The following SYT16 variants were observed in gnomAD, a reference collection of about 807,000 sequenced individuals.
The protein encoded by SYT16 is synaptotagmin-16.
Under a neutral mutation model 61.4 loss-of-function variants are expected in SYT16, and 42 were observed. The observed-to-expected ratio is 0.68, with a 90% CI of 0.53 to 0.89. The LOEUF (loss-of-function observed/expected upper bound fraction) is 0.89. Ranked by LOEUF, SYT16 falls within the 40% of genes least tolerant of loss-of-function variation. The pLI is 0.00. For synonymous variants in SYT16, 314 were observed against 302.3 expected, an observed-to-expected ratio of 1.04 and a Z score of -0.40; for missense variants, 804 against 807.3, an observed-to-expected ratio of 1.00 and a Z score of 0.05.
chr14:61,881,760 C>T (rs2047707252), intron 1 of SYT16, among the ~76,000 whole-genome samples: 1 of 152,164 alleles, frequency 6.6e-6, no homozygotes. Flanking sequence ...TGTCTCATGT[C>T]TACTTAAATG....
intron 1 of SYT16, among the ~76,000 whole-genome samples, chr14:61,820,672 G>C (rs1329260171): frequency 2.6e-5 from 4 of 151,858 alleles, no homozygotes; most frequent in African/African-American, 9.7e-5. Flanking sequence ...AGAAGAGACA[G>C]GGTTTCAGCC....
intron 3 of SYT16, among the ~76,000 whole-genome samples, chr14:62,017,023 A>G (rs1008998489): frequency 6.6e-6 from 1 of 152,234 alleles, no homozygotes; most frequent in Admixed American, 6.5e-5. Flanking sequence ...AAATTCTGCC[A>G]TAACTTTGTC....
chr14:62,090,367 C>G (rs893128375), intron 7 of SYT16, among the ~76,000 whole-genome samples: 1 of 152,068 alleles, frequency 6.6e-6, no homozygotes. Flanking sequence ...TAGGCACTCA[C>G]AATAGCAGAG....
intron 3 of SYT16, among the ~76,000 whole-genome samples, chr14:62,009,263 T>C (rs2053348000): frequency 6.6e-6 from 1 of 152,162 alleles, no homozygotes; most frequent in Non-Finnish European, 1.5e-5. Context: ...TTTGAAACTT[T>C]AATGAAAGTT....
At chr14:61,882,932 C>T (rs940365021) in intron 1 of SYT16, among the ~76,000 whole-genome samples, 2 of 152,232 alleles carry the variant, frequency 1.3e-5, no homozygotes, top group Admixed American at 6.5e-5. Flanking sequence ...TCTCCTTTGA[C>T]TCCATGTCTC....
chr14:61,831,422 C>CT (rs1296217182), intron 1 of SYT16, among the ~76,000 whole-genome samples: 10 of 152,046 alleles, frequency 6.6e-5, no homozygotes, highest in Admixed American at 3.9e-4. Context: ...AAGAATTTCT[C>CT]TTTTTTTAAT....
chr14:61,950,655 G>T (rs2050634339), intron 1 of SYT16, among the ~76,000 whole-genome samples: 1 of 152,152 alleles, frequency 6.6e-6, no homozygotes, highest in South Asian at 2.1e-4. Context: ...AGCCTACTTG[G>T]TTCACAGTCC....
chr14:61,946,183 A>G lies in SYT16; in HGVS notation c.-324-23949A>G, dbSNP rs200483937. ...TGTAACAAACCTACACGTTCTGCAC[A>G]TGTATCCCGGAACTTAAAGTACAAT... On this transcript the variant is annotated intron_variant, in intron 1 of 7. Transcript: ENST00000683842. Among the ~76,000 whole-genome samples the G allele has an allele frequency of 1.1e-4, 16 of 152,286 alleles. No individual in the cohort carries two copies. The East Asian group carries it at 2.9e-3, about 28-fold the overall frequency.
intron 1 of SYT16, among the ~76,000 whole-genome samples, chr14:61,953,305 A>C (rs554583381): frequency 1.3e-5 from 2 of 152,312 alleles, no homozygotes; most frequent in South Asian, 4.1e-4. Context: ...TGTTGATTGC[A>C]AAGAAAATCT....
chr14:62,097,623 C>T (rs985430244), intron 7 of SYT16, among the ~76,000 whole-genome samples: 4 of 152,160 alleles, frequency 2.6e-5, no homozygotes, highest in African/African-American at 9.7e-5. Flanking sequence ...GAACAATGAA[C>T]ATTTTCCTTC....
Position 62,024,036 on chromosome 14 carries a change from T to G in SYT16, c.523+27494T>G, listed in dbSNP as rs566540186. The stretch of plus-strand genomic sequence containing the variant: ...AAATATGCCTTTCCACTTAGGAATG[T>G]GGAATATTTTCTGAATTTTTTCCTG... On this transcript the variant is annotated intron_variant, in intron 3 of 7. Coordinates refer to ENST00000683842, the MANE Select transcript of SYT16 (RefSeq NM_001367656.1). Among the ~76,000 whole-genome samples the G allele has an allele frequency of 3.3e-5, 5 of 152,278 alleles. No homozygotes were observed. The South Asian group carries it at 1.0e-3, about 32-fold the overall frequency.
intron 1 of SYT16, among the ~76,000 whole-genome samples, chr14:61,920,273 C>T (rs1355539387): frequency 6.6e-6 from 1 of 152,074 alleles, no homozygotes; most frequent in East Asian, 1.9e-4. Flanking sequence ...ATTTATTTTA[C>T]TTTAAGTCTT....
At chr14:61,992,342 C>T (rs1281951734) in intron 2 of SYT16, among the ~76,000 whole-genome samples, 2 of 152,016 alleles carry the variant, frequency 1.3e-5, no homozygotes, top group Non-Finnish European at 2.9e-5. Context: ...GACTTTACAG[C>T]GAGGAGTGGT....
Position 62,109,477 on chromosome 14 carries a change from G to A in SYT16, c.*8770G>A, listed in dbSNP as rs909785714. On this transcript the variant is annotated 3_prime_UTR_variant, in exon 8 of 8. Coordinates refer to ENST00000683842, the MANE Select transcript of SYT16 (RefSeq NM_001367656.1). ...ATTAAAGTGCGTGCTCTCAGGAAAA[G>A]CTGCATATATTTTATATGATCCATC... 1.3e-5 allele frequency: 2 copies of A among 152,010 alleles called. No homozygotes were observed. The highest frequency in any genetic ancestry group is 2.9e-5 in the Non-Finnish European group (2 of 68,006). The allele number at this position is 152,010 out of a possible 1,614,324, so 9.4% of individuals were successfully genotyped here. A position where few individuals can be genotyped will look rare whatever the true frequency, so the allele number is the denominator to read the frequency against.
chr14:61,891,018 A>G (rs998597178), intron 1 of SYT16, among the ~76,000 whole-genome samples: 2 of 152,208 alleles, frequency 1.3e-5, no homozygotes, highest in African/African-American at 4.8e-5. Flanking sequence ...GTTACAAGAA[A>G]GGAGGTGACG....
In SYT16 at chr14:61,891,329, T is replaced by TC. The variant is rs530739476; in HGVS notation, c.-325+78523dup. 3.9e-3 allele frequency among the ~76,000 whole-genome samples: 601 copies of TC among 152,184 alleles called. 3 individuals are homozygous for TC. Among genetic ancestry groups the TC allele is most frequent in the African/African-American group, 0.014 (577 of 41,520 alleles). Reference sequence around the variant, plus strand: ...AGCACGTCTTCACCTGTTTTTTTTTTCCCCTTGCAAACTTGAGCATTGATT... The same window carrying TC: ...AGCACGTCTTCACCTGTTTTTTTTTTCCCCCTTGCAAACTTGAGCATTGATT... On this transcript the variant is annotated intron_variant, in intron 1 of 7. Coordinates refer to ENST00000683842, the MANE Select transcript of SYT16 (RefSeq NM_001367656.1).
intron 1 of SYT16, among the ~76,000 whole-genome samples, chr14:61,896,145 A>T (rs2048318767): frequency 6.6e-6 from 1 of 151,208 alleles, no homozygotes; most frequent in Non-Finnish European, 1.5e-5. Context: ...AATTTTCCAG[A>T]TCTTCTCTGG....
intron 2 of SYT16, among the ~76,000 whole-genome samples, chr14:61,973,758 A>T (rs1595057170): frequency 6.6e-6 from 1 of 152,200 alleles, no homozygotes; most frequent in African/African-American, 2.4e-5. Flanking sequence ...TTAAGAAAGC[A>T]TAGACAATGT....
In SYT16 at chr14:62,100,809, G is replaced by C. The variant is rs182315189; in HGVS notation, c.*102G>C. 96 of 1,198,582 alleles carry C rather than the reference G, an allele frequency of 8.0e-5. No individual in the cohort carries two copies. Among genetic ancestry groups the C allele is most frequent in the Non-Finnish European group, 1.0e-4 (90 of 869,736 alleles). The allele number at this position is 1,198,582 out of a possible 1,614,324, so 74.2% of individuals were successfully genotyped here. On this transcript the variant is annotated 3_prime_UTR_variant, in exon 8 of 8. Transcript: ENST00000683842. The stretch of plus-strand genomic sequence containing the variant: ...CAAGGGTTTCAGGGTTTCAAAAACA[G>C]ATTCCACTAACCCCTAGGACATTGT...
Sources: gnomAD v4.1 joint callset for allele counts (sites outside exome capture counted in the v4.1 genomes callset) on GRCh38, gnomAD v4.1.1 for gene constraint, MANE v1.5 for transcripts, NCBI Gene and HGNC (gene_info 2026-07-23, HGNC 2026-07-21) for gene names.